The following MEGF11 variants were observed in gnomAD, a reference collection of about 807,000 sequenced individuals.
MEGF11 encodes the protein multiple EGF like domains 11.
In MEGF11, 126 loss-of-function variants were observed where a neutral mutation model predicts 146.6. That is an observed-to-expected ratio of 0.86 (90% confidence interval 0.74 to 1.00). The LOEUF (loss-of-function observed/expected upper bound fraction) is 1.00, where lower values mean the gene tolerates loss of function less well. Among genes scored for constraint, MEGF11 ranks in the 50% least tolerant of loss-of-function variants. The pLI is 0.00. For synonymous variants in MEGF11, 532 were observed against 583.4 expected (o/e 0.91, Z 1.27); for missense variants, 1,509 against 1,521.2 (o/e 0.99, Z 0.13).
At chr15:66,206,982 C>T (rs1369121276) in intron 1 of MEGF11, among the ~76,000 whole-genome samples, 1 of 152,042 alleles carries the variant, frequency 6.6e-6, no homozygotes, top group Non-Finnish European at 1.5e-5. Flanking sequence ...ATCAGTAAAC[C>T]TGAAGATAGC....
intron 5 of MEGF11, among the ~76,000 whole-genome samples, chr15:66,050,369 G>A (rs1341187392): frequency 6.6e-6 from 1 of 152,118 alleles, no homozygotes; most frequent in African/African-American, 2.4e-5. Flanking sequence ...TTTTAACACA[G>A]TGTCAGGAAA....
intron 1 of MEGF11, among the ~76,000 whole-genome samples, chr15:66,130,229 A>G (rs2088580966): frequency 6.6e-6 from 1 of 152,214 alleles, no homozygotes; most frequent in Non-Finnish European, 1.5e-5. Context: ...GAGAGTCAAA[A>G]GTGGAACAAG....
chr15:65,929,395 T>C (rs2079491281), intron 12 of MEGF11, among the ~76,000 whole-genome samples: 1 of 152,208 alleles, frequency 6.6e-6, no homozygotes, highest in Non-Finnish European at 1.5e-5. Context: ...AAGGGCTGTC[T>C]TGTAGCACTG....
intron 5 of MEGF11, among the ~76,000 whole-genome samples, chr15:66,014,173 G>A (rs1488045647): frequency 2.0e-5 from 3 of 152,220 alleles, no homozygotes; most frequent in African/African-American, 7.2e-5. Flanking sequence ...ATAAAAAGTT[G>A]AGTAGCACTG....
At chr15:66,118,675 A>G (rs2087854839) in intron 4 of MEGF11, among the ~76,000 whole-genome samples, 1 of 151,974 alleles carries the variant, frequency 6.6e-6, no homozygotes, top group African/African-American at 2.4e-5. Flanking sequence ...CCACCCATCC[A>G]ACTGTCCATC....
intron 1 of MEGF11, among the ~76,000 whole-genome samples, chr15:66,252,511 C>A (rs1368498607): frequency 6.6e-6 from 1 of 152,112 alleles, no homozygotes; most frequent in African/African-American, 2.4e-5. Flanking sequence ...GCGCGGGCTG[C>A]GGGGCACCGA....
At chr15:66,008,533 TAA>T (rs2082601001) in intron 5 of MEGF11, among the ~76,000 whole-genome samples, 1 of 151,992 alleles carries the variant, frequency 6.6e-6, no homozygotes, top group Non-Finnish European at 1.5e-5. Flanking sequence ...TTGCCCACCG[TAA>T]AAGAGTTATA....
At chr15:66,109,953 C>T (rs1167506076) in intron 4 of MEGF11, among the ~76,000 whole-genome samples, 1 of 152,234 alleles carries the variant, frequency 6.6e-6, no homozygotes. Flanking sequence ...CAGGAACTCA[C>T]TTCTGAGTGA....
At chr15:66,157,869 G>A (rs2089818231) in intron 1 of MEGF11, among the ~76,000 whole-genome samples, 1 of 152,060 alleles carries the variant, frequency 6.6e-6, no homozygotes, top group Non-Finnish European at 1.5e-5. Flanking sequence ...AAGTTTTGTT[G>A]CAAAGTATTT....
At chr15:65,977,800 C>T (rs2081502320) in intron 7 of MEGF11, among the ~76,000 whole-genome samples, 1 of 152,082 alleles carries the variant, frequency 6.6e-6, no homozygotes, top group Non-Finnish European at 1.5e-5. Flanking sequence ...ACACACACTG[C>T]ATCCAGTCCC....
chr15:66,170,014 GAA>G (rs5813377), intron 1 of MEGF11, among the ~76,000 whole-genome samples: 11,930 of 149,498 alleles, frequency 0.08, 546 homozygotes, highest in Non-Finnish European at 0.1. Flanking sequence ...ACCGTCTGCC[GAA>G]AAAAAAAAAA....
intron 1 of MEGF11, among the ~76,000 whole-genome samples, chr15:66,204,881 C>T (rs969771815): frequency 5.3e-5 from 8 of 151,570 alleles, no homozygotes; most frequent in Non-Finnish European, 1.2e-4. Context: ...ACATGTAAAA[C>T]AAACATAAGA....
At chr15:65,964,803 G>T (rs2141558458) in intron 9 of MEGF11, 105 bp downstream of exon 9, 2 of 1,104,834 alleles carry the variant, frequency 1.8e-6, no homozygotes. Flanking sequence ...TCCCCCACCT[G>T]CCTGGATGTC....
At chr15:66,230,261 TC>T (rs964225193) in intron 1 of MEGF11, among the ~76,000 whole-genome samples, 6 of 152,120 alleles carry the variant, frequency 3.9e-5, no homozygotes, top group Non-Finnish European at 8.8e-5. Flanking sequence ...AATTGCCTGC[TC>T]CCTTGTCTGG....
At chr15:66,099,271 C>T (rs1222391560) in intron 4 of MEGF11, among the ~76,000 whole-genome samples, 6 of 145,456 alleles carry the variant, frequency 4.1e-5, no homozygotes, top group African/African-American at 1.3e-4. Flanking sequence ...CAACCTCTGC[C>T]TCCCAGGTTC....
chr15:66,183,800 A>G (rs2090620419), intron 1 of MEGF11, among the ~76,000 whole-genome samples: 2 of 152,112 alleles, frequency 1.3e-5, no homozygotes, highest in African/African-American at 2.4e-5. Flanking sequence ...TGCCCTTCCA[A>G]CAAGCTCCCA....
At chr15:65,986,556 A>T (rs1167739469) in intron 5 of MEGF11, among the ~76,000 whole-genome samples, 1 of 152,164 alleles carries the variant, frequency 6.6e-6, no homozygotes, top group African/African-American at 2.4e-5. Context: ...TTCACTTAAA[A>T]CACCTCATTC....
At chr15:66,234,355 T>G (rs2092042743) in intron 1 of MEGF11, among the ~76,000 whole-genome samples, 1 of 152,252 alleles carries the variant, frequency 6.6e-6, no homozygotes, top group South Asian at 2.1e-4. Flanking sequence ...ATCATGCTTT[T>G]CTGTTACTTG....
chr15:65,906,971 A>AT (rs946262742), intron 23 of MEGF11, among the ~76,000 whole-genome samples: 1 of 152,136 alleles, frequency 6.6e-6, no homozygotes, highest in Admixed American at 6.5e-5. Flanking sequence ...GCTGCTGGTG[A>AT]TCCCAGAAAA....
Sources: gnomAD v4.1 joint callset for allele counts (sites outside exome capture counted in the v4.1 genomes callset) on GRCh38, gnomAD v4.1.1 for gene constraint, MANE v1.5 for transcripts, NCBI Gene and HGNC (gene_info 2026-07-23, HGNC 2026-07-21) for gene names.